The following CILK1 variants were observed in gnomAD, a reference collection of about 807,000 sequenced individuals.
CILK1 encodes serine/threonine-protein kinase ICK.
A neutral mutation model predicts 79.2 loss-of-function variants in CILK1; 47 were observed. The observed-to-expected ratio is 0.59, with a 90% CI of 0.47 to 0.76. The LOEUF is 0.76. Among genes scored for constraint, CILK1 ranks in the 30% least tolerant of loss-of-function variants. CILK1 has a pLI of 0.00. For missense variants in CILK1, 660 were observed against 769.5 expected (o/e 0.86, Z 1.68); for synonymous variants, 266 against 275.9 (o/e 0.96, Z 0.36).
chr6:53,018,302 C>T, intron 7 of CILK1, 28 bp downstream of exon 7: 5 of 1,610,934 alleles, frequency 3.1e-6, no homozygotes, highest in Non-Finnish European at 4.2e-6. Context: ...TTGGCTTTGG[C>T]CCACTGGCCT....
intron 1 of CILK1, among the ~76,000 whole-genome samples, chr6:53,060,415 G>T (rs1768342145): frequency 6.6e-6 from 1 of 152,136 alleles, no homozygotes; most frequent in Admixed American, 6.5e-5. Context: ...CCTGCTGCCT[G>T]GCCACCAGTT....
Position 53,002,654 on chromosome 6 carries a change from GT to G in CILK1, c.*2494del, listed in dbSNP as rs1191323196. 6.6e-6 allele frequency: 1 copy of G among 152,082 alleles called. No individual in the cohort carries two copies. Among genetic ancestry groups the G allele is most frequent in the South Asian group, 2.1e-4 (1 of 4,826 alleles). The allele number at this position is 152,082 out of a possible 1,614,324, so 9.4% of individuals were successfully genotyped here. A position where few individuals can be genotyped will look rare whatever the true frequency, so the allele number is the denominator to read the frequency against. ...TCACAGCATTTGCTAGTTAAAATTTGTTTTTTCAGTCCTCTAGTTTTCTCAA... is the reference window on the plus strand; with the variant it reads ...TCACAGCATTTGCTAGTTAAAATTTGTTTTTCAGTCCTCTAGTTTTCTCAA... On this transcript the variant is annotated 3_prime_UTR_variant, in exon 14 of 14. Coordinates refer to ENST00000676107, the MANE Select transcript of CILK1 (RefSeq NM_014920.5).
At chr6:53,047,637 A>G (rs1472016100) in intron 1 of CILK1, among the ~76,000 whole-genome samples, 1 of 151,766 alleles carries the variant, frequency 6.6e-6, no homozygotes, top group African/African-American at 2.4e-5. Flanking sequence ...TATCCTACAG[A>G]AGGGAGTTCC....
At chr6:53,007,163 T>C (rs1213158003) in intron 12 of CILK1, among the ~76,000 whole-genome samples, 1 of 152,238 alleles carries the variant, frequency 6.6e-6, no homozygotes, top group Non-Finnish European at 1.5e-5. Flanking sequence ...AAGACTGTTA[T>C]TATTGCCCGT....
chr6:53,021,894 G>A (rs898843070), intron 5 of CILK1, among the ~76,000 whole-genome samples: 7 of 152,004 alleles, frequency 4.6e-5, no homozygotes, highest in South Asian at 2.1e-4. Context: ...AGCTCCCTGC[G>A]TATTATTGCA....
chr6:53,008,407 T>C (rs570561058), intron 12 of CILK1, among the ~76,000 whole-genome samples: 3 of 151,276 alleles, frequency 2.0e-5, no homozygotes, highest in Admixed American at 2.0e-4. Context: ...CTGGGCTTCA[T>C]GTGTATTTGC....
intron 11 of CILK1, among the ~76,000 whole-genome samples, chr6:53,010,938 C>G (rs1233084316): frequency 6.6e-6 from 1 of 152,196 alleles, no homozygotes; most frequent in East Asian, 1.9e-4. Context: ...GGTTGTGTGA[C>G]CCAGTGGCCC....
intron 5 of CILK1, among the ~76,000 whole-genome samples, chr6:53,022,181 CAAGCT>C (rs1765286645): frequency 6.6e-6 from 1 of 151,966 alleles, no homozygotes; most frequent in Non-Finnish European, 1.5e-5. Flanking sequence ...AAAGTTTCAG[CAAGCT>C]AAGATTAATT....
At chr6:53,044,366 G>A (rs1245459073) in intron 1 of CILK1, among the ~76,000 whole-genome samples, 1 of 152,182 alleles carries the variant, frequency 6.6e-6, no homozygotes, top group Non-Finnish European at 1.5e-5. Flanking sequence ...GATCTGAGGT[G>A]GAGCAGTTTC....
At chr6:53,040,058 T>C (rs777344574) in intron 2 of CILK1, among the ~76,000 whole-genome samples, 52 of 152,100 alleles carry the variant, frequency 3.4e-4, no homozygotes, top group Admixed American at 5.2e-4. Context: ...TAAGAGAGAA[T>C]ATGCTAAATA....
intron 11 of CILK1, among the ~76,000 whole-genome samples, chr6:53,009,807 G>A (rs2127404959): frequency 6.6e-6 from 1 of 152,214 alleles, no homozygotes; most frequent in South Asian, 2.1e-4. Context: ...CCCACCTCTT[G>A]GCCCTCTGGT....
At chr6:53,038,456 C>T (rs1766498526) in intron 2 of CILK1, among the ~76,000 whole-genome samples, 1 of 152,134 alleles carries the variant, frequency 6.6e-6, no homozygotes, top group Non-Finnish European at 1.5e-5. Context: ...AATTTAAATG[C>T]CACATATGGT....
intron 9 of CILK1, 33 bp downstream of exon 9, chr6:53,013,629 C>T: frequency 1.3e-6 from 2 of 1,595,430 alleles, no homozygotes; most frequent in Non-Finnish European, 1.7e-6. Flanking sequence ...AATAAACAGA[C>T]ACGAAGCTCA....
At chr6:53,024,741 G>A (rs557870506) in intron 5 of CILK1, among the ~76,000 whole-genome samples, 87 of 151,988 alleles carry the variant, frequency 5.7e-4, no homozygotes, top group African/African-American at 2.0e-3. Flanking sequence ...GGCAGGGGGC[G>A]GTAGATGAAT....
Position 53,011,808 on chromosome 6 carries a change from C to A in CILK1, c.1453G>T (p.Ala485Ser). ...GAGTGCTTCAAATAGTGCTGCTTGG[C>A]TGCAGATCTCAGGGTGGGCGTGTCT... ...RRDTPTLRSA[A>S]KQHYLKHSRY... is the part of the protein sequence containing the mutation. Residue 485 changes from alanine (A) to serine (S), a missense_variant, in exon 11 of 14, where the codon GCC becomes TCC. Transcript: ENST00000676107. The A allele has an allele frequency of 6.2e-7, 1 of 1,614,138 alleles. No homozygotes were observed. Among genetic ancestry groups the A allele is most frequent in the African/African-American group, 1.3e-5 (1 of 75,014 alleles).
intron 1 of CILK1, among the ~76,000 whole-genome samples, chr6:53,053,254 T>C (rs889820315): frequency 1.3e-5 from 2 of 152,180 alleles, no homozygotes; most frequent in African/African-American, 2.4e-5. Flanking sequence ...GTGAATGGAA[T>C]GTAGCAGCCT....
chr6:53,002,955 A>T lies in CILK1; in HGVS notation c.*2194T>A, dbSNP rs537444686. ...TCCTCTAAGGAATATTTACAATTTA[A>T]AACCTGCTTTCCAGCAAGCTGGGCC... On this transcript the variant is annotated 3_prime_UTR_variant, in exon 14 of 14. Transcript: ENST00000676107. 5.9e-5 allele frequency: 9 copies of T among 152,670 alleles called. No homozygotes were observed. The highest frequency in any genetic ancestry group is 1.2e-4 in the Non-Finnish European group (8 of 68,048). 9.5% of individuals were successfully genotyped at this position (152,670 alleles called of 1,614,324 possible). A position where few individuals can be genotyped will look rare whatever the true frequency, so the allele number is the denominator to read the frequency against.
intron 2 of CILK1, 129 bp downstream of exon 2, chr6:53,041,007 A>C: frequency 1.8e-5 from 13 of 738,386 alleles, no homozygotes; most frequent in Non-Finnish European, 3.0e-5. Context: ...ATAATCATCT[A>C]ACCCACAGCA....
intron 3 of CILK1, among the ~76,000 whole-genome samples, chr6:53,034,976 G>C (rs943576012): frequency 1.3e-4 from 20 of 152,288 alleles, no homozygotes; most frequent in Middle Eastern, 3.4e-3. Flanking sequence ...GTGTCTGGGG[G>C]ACGAAGGATG....
Sources: allele counts gnomAD v4.1 joint callset (sites outside exome capture counted in the v4.1 genomes callset), GRCh38; gene constraint gnomAD v4.1.1; transcripts MANE v1.5; gene names NCBI Gene and HGNC (gene_info 2026-07-23, HGNC 2026-07-21).